The following SLC23A2 variants were observed in gnomAD, a reference collection of about 807,000 sequenced individuals.
The protein encoded by SLC23A2 is Na(+)/L-ascorbic acid transporter 2.
Under a neutral mutation model 73.3 loss-of-function variants are expected in SLC23A2, and 36 were observed. The ratio of observed to expected loss-of-function variants is 0.49; its 90% CI spans 0.38 to 0.65. The LOEUF is 0.65. Ranked by LOEUF, SLC23A2 falls within the 30% of genes least tolerant of loss-of-function variation. The pLI, the probability that SLC23A2 is intolerant of heterozygous loss-of-function variation, is 0.00. For missense variants in SLC23A2, 507 were observed against 841.6 expected (o/e 0.60, Z 4.92); for synonymous variants, 343 against 327.3 (o/e 1.05, Z -0.52).
chr20:4,928,288 A>T (rs1297217849), intron 3 of SLC23A2, among the ~76,000 whole-genome samples: 2 of 152,010 alleles, frequency 1.3e-5, no homozygotes, highest in Non-Finnish European at 2.9e-5. Context: ...TGATCCTCCC[A>T]CCTTGGCCTC....
rs2087441692 is a variant in SLC23A2, at chr20:4,964,458, A to G, written c.-155+6335T>C. Among the ~76,000 whole-genome samples, 4 of 152,224 alleles carry G rather than the reference A, an allele frequency of 2.6e-5. No homozygotes were observed. In the South Asian group the frequency reaches 8.3e-4, roughly 31 times the overall value. On this transcript the variant is annotated intron_variant, in intron 2 of 16. Transcript: ENST00000338244. Reference sequence around the variant, plus strand: ...AGTGTTCATTAAAATAATGCTTAAGAGTAATCCAAAACCGGAGGGGAAAAT... The same window carrying G: ...AGTGTTCATTAAAATAATGCTTAAGGGTAATCCAAAACCGGAGGGGAAAAT...
intron 1 of SLC23A2, among the ~76,000 whole-genome samples, chr20:4,975,678 G>A (rs958497105): frequency 1.1e-4 from 17 of 151,002 alleles, no homozygotes; most frequent in African/African-American, 3.6e-4. Flanking sequence ...ACCGTGCCCC[G>A]CCTGTTTTTT....
intron 2 of SLC23A2, among the ~76,000 whole-genome samples, chr20:4,941,498 T>C (rs761642644): frequency 6.6e-6 from 1 of 151,688 alleles, no homozygotes; most frequent in Non-Finnish European, 1.5e-5. Flanking sequence ...AGGTCAGGAG[T>C]TCGAAACCAG....
intron 2 of SLC23A2, among the ~76,000 whole-genome samples, chr20:4,934,724 G>A (rs536857975): frequency 3.2e-4 from 48 of 152,162 alleles, no homozygotes; most frequent in African/African-American, 1.1e-3. Context: ...TTAGCCAGGC[G>A]TGGTGGCAGG....
At chr20:4,992,155 G>T (rs2087936278) in intron 1 of SLC23A2, among the ~76,000 whole-genome samples, 1 of 152,066 alleles carries the variant, frequency 6.6e-6, no homozygotes, top group Non-Finnish European at 1.5e-5. Context: ...AAACACTGGA[G>T]TAAAAACTGA....
Position 4,859,409 on chromosome 20 carries a change from C to T in SLC23A2, c.1625-25G>A, listed in dbSNP as rs78976827. 2.6e-4 allele frequency: 391 copies of T among 1,485,412 alleles called. 4 individuals are homozygous for T. In the East Asian group the frequency reaches 8.4e-3, roughly 32 times the overall value. The allele number at this position is 1,485,412 out of a possible 1,614,324, so 92.0% of individuals were successfully genotyped here. A position where few individuals can be genotyped will look rare whatever the true frequency, so the allele number is the denominator to read the frequency against. On this transcript the variant is annotated intron_variant, in intron 15 of 16. Transcript: ENST00000338244. ...CCTAGAAAGAGAACACAGCCATAAA[C>T]GATCAGTGCCACAGCAGCGGTGAGC... is the stretch of plus-strand genomic sequence containing the variant.
chr20:4,938,723 A>T (rs1452225100), intron 2 of SLC23A2, among the ~76,000 whole-genome samples: 2 of 152,204 alleles, frequency 1.3e-5, no homozygotes, highest in Non-Finnish European at 2.9e-5. Flanking sequence ...TTCCTAATTT[A>T]GAGTGACACC....
At chr20:5,007,969 G>A (rs1429389740) in intron 1 of SLC23A2, among the ~76,000 whole-genome samples, 2 of 151,896 alleles carry the variant, frequency 1.3e-5, no homozygotes, top group Non-Finnish European at 2.9e-5. Flanking sequence ...GAGTGCAATG[G>A]CATGATCTTG....
In SLC23A2 at chr20:4,857,612, C is replaced by T. The variant is rs183893347; in HGVS notation, c.1721-408G>A. Among the ~76,000 whole-genome samples the T allele has an allele frequency of 3.2e-3, 494 of 152,248 alleles. 11 individuals are homozygous for T. Among genetic ancestry groups the T allele is most frequent in the Non-Finnish European group, 4.9e-4 (33 of 68,024 alleles). Reference sequence around the variant, plus strand: ...GGTTACCTAGTCTTCTGGCTCATCACCTCCTGCCCCAGGTCTGCTCAAAAA... The same window carrying T: ...GGTTACCTAGTCTTCTGGCTCATCATCTCCTGCCCCAGGTCTGCTCAAAAA... On this transcript the variant is annotated intron_variant, in intron 16 of 16. Coordinates refer to ENST00000338244, the MANE Select transcript of SLC23A2 (RefSeq NM_005116.6). The surrounding 1 kb of genome is among the most constrained non-coding windows in gnomAD (Gnocchi z 4.0).
In SLC23A2 at chr20:4,869,349, A is replaced by AC. The variant is rs1268070007; in HGVS notation, c.1250+556_1250+557insG. Among the ~76,000 whole-genome samples the AC allele has an allele frequency of 5.5e-3, 833 of 151,764 alleles. 8 individuals are homozygous for AC. The highest frequency in any genetic ancestry group is 0.019 in the African/African-American group (780 of 41,220). On this transcript the variant is annotated intron_variant, in intron 12 of 16. Coordinates refer to ENST00000338244, the MANE Select transcript of SLC23A2 (RefSeq NM_005116.6). The stretch of plus-strand genomic sequence containing the variant: ...ACAAACAAACAAAAAAAAAACAAAA[A>AC]AAACCTGTAAGCAGTGAAGAGCTTG...
chr20:4,925,565 C>T (rs925161340), intron 3 of SLC23A2, among the ~76,000 whole-genome samples: 2 of 152,128 alleles, frequency 1.3e-5, no homozygotes, highest in Admixed American at 6.5e-5. Flanking sequence ...AGGTCACTGT[C>T]GGCTCACACC....
intron 6 of SLC23A2, among the ~76,000 whole-genome samples, chr20:4,890,997 T>C (rs1391100205): frequency 6.6e-6 from 1 of 152,176 alleles, no homozygotes; most frequent in African/African-American, 2.4e-5. Flanking sequence ...AACACATTCC[T>C]TAAAACACCA....
At chr20:4,944,216 C>T (rs2087083465) in intron 2 of SLC23A2, among the ~76,000 whole-genome samples, 2 of 152,106 alleles carry the variant, frequency 1.3e-5, no homozygotes, top group South Asian at 4.1e-4. Context: ...ATAGACCTAC[C>T]TTGGGGGCTT....
At chr20:4,942,067 T>G (rs1340139822) in intron 2 of SLC23A2, among the ~76,000 whole-genome samples, 1 of 152,142 alleles carries the variant, frequency 6.6e-6, no homozygotes, top group Non-Finnish European at 1.5e-5. Flanking sequence ...GTGTCCACAT[T>G]AGCACCAGTT....
intron 2 of SLC23A2, among the ~76,000 whole-genome samples, chr20:4,945,377 C>T (rs555916423): frequency 2.6e-5 from 4 of 152,210 alleles, no homozygotes; most frequent in Non-Finnish European, 4.4e-5. Flanking sequence ...GTCAAGCAAT[C>T]GCAGCTCACT....
At chr20:4,990,971 CAA>C (rs1198847840) in intron 1 of SLC23A2, among the ~76,000 whole-genome samples, 9 of 56,822 alleles carry the variant, frequency 1.6e-4, no homozygotes, top group South Asian at 6.4e-4. Flanking sequence ...AACTCCATCT[CAA>C]AAAAAAAAAA....
intron 5 of SLC23A2, among the ~76,000 whole-genome samples, chr20:4,900,567 GTTAC>G (rs1931706628): frequency 6.6e-6 from 1 of 152,220 alleles, no homozygotes; most frequent in African/African-American, 2.4e-5. Flanking sequence ...GGGGATTAAA[GTTAC>G]ATAAGCTTCA....
intron 1 of SLC23A2, among the ~76,000 whole-genome samples, chr20:5,008,190 G>T (rs1007839987): frequency 4.8e-4 from 73 of 152,156 alleles, no homozygotes; most frequent in African/African-American, 1.7e-3. Flanking sequence ...GATTACAGGT[G>T]TGAGCCACCA....
upstream of SLC23A2, chr20:5,001,620 C>T (rs1307037125): frequency 1.3e-5 from 2 of 150,076 alleles, no homozygotes; most frequent in Non-Finnish European, 3.0e-5. Flanking sequence ...GGCCTCCCCC[C>T]GGGGAGGGGC....
Sources: gnomAD v4.1 joint callset for allele counts (sites outside exome capture counted in the v4.1 genomes callset) on GRCh38, gnomAD v4.1.1 for gene constraint, Gnocchi (gnomAD v3.1) non-coding constraint, MANE v1.5 for transcripts, NCBI Gene and HGNC (gene_info 2026-07-23, HGNC 2026-07-21) for gene names.